The following MEGF6 variants were observed in gnomAD, a reference collection of about 807,000 sequenced individuals.
MEGF6 encodes the protein multiple EGF like domains 6, also known as multiple epidermal growth factor-like domains protein 6.
Under a neutral mutation model 207.1 loss-of-function variants are expected in MEGF6, and 184 were observed. The ratio of observed to expected loss-of-function variants is 0.89; its 90% CI spans 0.79 to 1.00. The LOEUF (loss-of-function observed/expected upper bound fraction) is 1.00. Among genes scored for constraint, MEGF6 ranks in the 50% least tolerant of loss-of-function variants. The pLI, the probability that MEGF6 is intolerant of heterozygous loss-of-function variation, is 0.00. For missense variants in MEGF6, 2,282 were observed against 2,202.9 expected (o/e 1.04, Z -0.72); for synonymous variants, 1,038 against 910.0 (o/e 1.14, Z -2.53).
intron 4 of MEGF6, chr1:3,531,496 A>T (rs897729623): frequency 1.4e-4 from 144 of 1,056,654 alleles, no homozygotes; most frequent in Non-Finnish European, 1.6e-4. Context: ...CAGACAACCG[A>T]GGGAGCCGCC....
rs9628616 is a variant in MEGF6 at position 3,556,781 on chromosome 1, C to T, written c.481+23044G>A. 0.19 allele frequency among the ~76,000 whole-genome samples: 28,429 copies of T among 152,094 alleles called. 3,940 individuals carry two copies. The highest frequency in any genetic ancestry group is 0.39 in the African/African-American group (16,151 of 41,424). ...AAAACACAAGGATGCAGGTACTTCA[C>T]GTCCCTGTCCCAACCACACGCGCTC... On this transcript the variant is annotated intron_variant, in intron 4 of 36. Coordinates refer to ENST00000356575, the MANE Select transcript of MEGF6 (RefSeq NM_001409.4). This position sits in a 1 kb window ranked among gnomAD's most constrained non-coding sequence, Gnocchi z 4.4.
intron 4 of MEGF6, among the ~76,000 whole-genome samples, chr1:3,537,028 C>T (rs77443849): frequency 0.084 from 12,784 of 152,370 alleles, 653 homozygotes; most frequent in Admixed American, 0.14. Flanking sequence ...GGGCTGTCCA[C>T]GCTGCCCTGG....
chr1:3,563,847 G>A (rs959965201), intron 4 of MEGF6, among the ~76,000 whole-genome samples: 5 of 152,182 alleles, frequency 3.3e-5, no homozygotes, highest in Admixed American at 6.5e-5. Context: ...CGGTGTCTGC[G>A]CGTCTGGGGA....
intron 4 of MEGF6, among the ~76,000 whole-genome samples, chr1:3,541,945 C>T (rs983974669): frequency 5.9e-5 from 9 of 152,340 alleles, no homozygotes; most frequent in South Asian, 2.1e-4. Flanking sequence ...ACAGACACTC[C>T]GATGAAAACC....
chr1:3,578,527 C>T (rs113405441), intron 4 of MEGF6, among the ~76,000 whole-genome samples: 1 of 141,238 alleles, frequency 7.1e-6, no homozygotes, highest in Admixed American at 6.9e-5. Flanking sequence ...AATGACAGGG[C>T]AGGGGCCCTG....
At chr1:3,554,789 C>G (rs1312466833) in intron 4 of MEGF6, among the ~76,000 whole-genome samples, 1 of 152,232 alleles carries the variant, frequency 6.6e-6, no homozygotes, top group East Asian at 1.9e-4. Context: ...GCCACCTTCC[C>G]ATCTCAAATT....
chr1:3,603,342 C>T (rs1343055400), intron 1 of MEGF6, among the ~76,000 whole-genome samples: 2 of 152,084 alleles, frequency 1.3e-5, no homozygotes, highest in Non-Finnish European at 2.9e-5. Context: ...CCAAAGACAG[C>T]CACACGGGCC....
At position 3,496,742 on chromosome 1, in the gene MEGF6, A is replaced by C. The variant is rs1375680607; in HGVS notation, c.3655T>G (p.Cys1219Gly). Reference protein sequence around the residue: ...GRYGPGCEQLCGCLNGGSCDA... With the variant: ...GRYGPGCEQLGGCLNGGSCDA... ...CAGGAGCCCCCGTTGAGACACCCAC[A>C]CAGCTGTTCACAGCCTGGCCCATAC... Residue 1219 changes from cysteine (C) to glycine (G), a missense_variant, in exon 29 of 37, where the codon TGT (cysteine) becomes GGT (glycine). Cys to Gly is a radical substitution (Grantham distance 159). Coordinates refer to ENST00000356575, the MANE Select transcript of MEGF6 (RefSeq NM_001409.4). The C allele has an allele frequency of 1.3e-6, 2 of 1,559,548 alleles. No individual in the cohort carries two copies. The highest frequency in any genetic ancestry group is 2.4e-5 in the South Asian group (2 of 84,878).
chr1:3,496,964 T>C (rs1557715743), intron 28 of MEGF6, 24 bp downstream of exon 28: 3 of 1,546,706 alleles, frequency 1.9e-6, no homozygotes, highest in Non-Finnish European at 2.6e-6. Flanking sequence ...GCCGAGTCCC[T>C]GGGTGGGCAC....
At chr1:3,525,237 A>G (rs2101235532) in intron 4 of MEGF6, among the ~76,000 whole-genome samples, 1 of 152,312 alleles carries the variant, frequency 6.6e-6, no homozygotes, top group Admixed American at 6.5e-5. Flanking sequence ...AGAGCAGCCC[A>G]GACCCCGTCA....
In MEGF6 at chr1:3,510,849, G is replaced by C. The variant is rs778322193; in HGVS notation, c.1168C>G (p.Pro390Ala). The change falls in exon 10 of 37, where the codon CCT becomes GCT. Residue 390 changes from proline to alanine, a missense_variant. By Grantham distance (27) the Pro-to-Ala change is conservative. Coordinates refer to ENST00000356575, the MANE Select transcript of MEGF6 (RefSeq NM_001409.4). ...TAGCAGCCGCACTCGTACCCGCCAG[G>C]GTTGTTGGTGCACACCTGCTGGCAG... is the stretch of plus-strand genomic sequence containing the variant. ...PCCQQVCTNN[P>A]GGYECGCYAG... 1.3e-4 allele frequency: 216 copies of C among 1,611,060 alleles called. No individual in the cohort carries two copies. Among genetic ancestry groups the C allele is most frequent in the Admixed American group, 3.5e-4 (21 of 59,972 alleles).
chr1:3,623,655 C>T, the MEGF6 span: 2 of 152,292 alleles, frequency 1.3e-5, no homozygotes, highest in Non-Finnish European at 2.9e-5. Flanking sequence ...CAGCGTCGCC[C>T]GTTTCCTGTT....
rs759700263 is a variant in MEGF6 at position 3,497,296 on chromosome 1, A to C, written c.3418T>G (p.Cys1140Gly). ...CGGCAGGCCCCAGTGACGTGGTGGC[A>C]GGCAGCGCCAGGCGGGCAGCTGCAG... ...QRCSCPPGAACHHVTGACRCP... is the reference protein window; with the variant it reads ...QRCSCPPGAAGHHVTGACRCP... Residue 1140 changes from cysteine (C) to glycine (G), a missense_variant, in exon 27 of 37, where the codon TGC (cysteine) becomes GGC (glycine). Coordinates refer to ENST00000356575, the MANE Select transcript of MEGF6 (RefSeq NM_001409.4). 1 of 1,549,256 alleles carries C rather than the reference A, an allele frequency of 6.5e-7. No individual in the cohort carries two copies. Among genetic ancestry groups the C allele is most frequent in the Non-Finnish European group, 8.7e-7 (1 of 1,151,012 alleles).
chr1:3,580,937 AG>A (rs1398338807), intron 3 of MEGF6, among the ~76,000 whole-genome samples: 1 of 151,990 alleles, frequency 6.6e-6, no homozygotes, highest in Non-Finnish European at 1.5e-5. Flanking sequence ...GCTCTAGACA[AG>A]GGGGCCCTGC....
chr1:3,549,103 G>A (rs757984469), intron 4 of MEGF6, among the ~76,000 whole-genome samples: 3 of 152,172 alleles, frequency 2.0e-5, no homozygotes, highest in Middle Eastern at 3.4e-3. Flanking sequence ...CATCCCCGTG[G>A]CTCCGCGCTG....
chr1:3,569,331 C>T (rs888715605), intron 4 of MEGF6, among the ~76,000 whole-genome samples: 30 of 152,256 alleles, frequency 2.0e-4, no homozygotes, highest in Non-Finnish European at 8.8e-5. Context: ...CCTGGGCAGG[C>T]GGTCAAGGGC....
chr1:3,507,841 C>T lies in MEGF6; in HGVS notation c.1743G>A (p.Gly581=). ...QNGGTCDSVT[G]ACRCPPGVSG... is the part of the protein sequence containing the mutation. ...TGACACCCGGGGGGCAGCGGCAGGCCCCCGTGACAGAGTCGCAGGTCCCAC... is the reference window on the plus strand; with the variant it reads ...TGACACCCGGGGGGCAGCGGCAGGCTCCCGTGACAGAGTCGCAGGTCCCAC... The change falls in exon 14 of 37, where the codon GGG becomes GGA. Residue 581 remains glycine (G), a synonymous_variant. Transcript: ENST00000356575. 2 of 1,612,792 alleles carry T rather than the reference C, an allele frequency of 1.2e-6. No individual in the cohort carries two copies. The highest frequency in any genetic ancestry group is 2.2e-5 in the South Asian group (2 of 91,070).
intron 4 of MEGF6, among the ~76,000 whole-genome samples, chr1:3,574,619 G>A (rs2101720088): frequency 1.3e-5 from 2 of 151,572 alleles, no homozygotes; most frequent in African/African-American, 4.9e-5. Flanking sequence ...AAGGGAATCA[G>A]AGCCAAAGGT....
intron 1 of MEGF6, among the ~76,000 whole-genome samples, chr1:3,606,695 C>T (rs557118596): frequency 3.9e-5 from 6 of 152,322 alleles, no homozygotes; most frequent in African/African-American, 9.6e-5. Flanking sequence ...AGGCATTGAA[C>T]GCTTTTGCCG....
Sources: gnomAD v4.1 joint callset for allele counts (sites outside exome capture counted in the v4.1 genomes callset) on GRCh38, gnomAD v4.1.1 for gene constraint, Gnocchi (gnomAD v3.1) non-coding constraint, MANE v1.5 for transcripts, NCBI Gene and HGNC (gene_info 2026-07-23, HGNC 2026-07-21) for gene names.